Variants in GNA13 observed in about 807,000 individuals in gnomAD.
The protein encoded by GNA13 is G protein subunit alpha 13, also known as guanine nucleotide-binding protein subunit alpha-13.
GNA13 carries 4 observed loss-of-function variants against 33.5 expected under a neutral mutation model. That is an observed-to-expected ratio of 0.12 (90% CI 0.06 to 0.27). The LOEUF (loss-of-function observed/expected upper bound fraction) is 0.27. Ranked by LOEUF, GNA13 falls within the 10% of genes least tolerant of loss-of-function variation. The pLI, the probability that GNA13 is intolerant of heterozygous loss-of-function variation, is 1.00. For synonymous variants in GNA13, 176 were observed against 183.8 expected (o/e 0.96, Z 0.34); for missense variants, 319 against 487.2 (o/e 0.65, Z 3.25).
Position 65,018,148 on chromosome 17 carries a change from G to T in GNA13, c.561+105C>A, listed in dbSNP as rs1336513441. On this transcript the variant is annotated intron_variant, in intron 3 of 3. Transcript: ENST00000439174. ...AAAAAAAAAAAAAAAAAGAGAGAAAGAAGCAAATAGCTTAATACATAATTT... is the reference window on the plus strand; with the variant it reads ...AAAAAAAAAAAAAAAAAGAGAGAAATAAGCAAATAGCTTAATACATAATTT... 2.3e-4 allele frequency: 35 copies of T among 149,818 alleles called. 1 individual carries two copies. The highest frequency in any genetic ancestry group is 4.0e-4 in the East Asian group (2 of 4,962). 9.3% of individuals were successfully genotyped at this position (149,818 alleles called of 1,614,324 possible).
intron 2 of GNA13, among the ~76,000 whole-genome samples, chr17:65,035,939 C>T (rs1226033873): frequency 1.3e-5 from 2 of 152,186 alleles, no homozygotes; most frequent in South Asian, 2.1e-4. Flanking sequence ...CATAATACCC[C>T]GAAGTCCTCG....
intron 2 of GNA13, among the ~76,000 whole-genome samples, chr17:65,049,162 T>C (rs1907773400): frequency 6.6e-6 from 1 of 152,158 alleles, no homozygotes; most frequent in Non-Finnish European, 1.5e-5. Context: ...CAAGCTGGAG[T>C]GCAGTGGCAT....
At chr17:65,019,340 T>C (rs1229002126) in intron 2 of GNA13, among the ~76,000 whole-genome samples, 2 of 151,894 alleles carry the variant, frequency 1.3e-5, no homozygotes, top group African/African-American at 4.8e-5. Context: ...AGGAAATGAG[T>C]ATATGGAGGA....
At chr17:65,026,146 C>T (rs1262840590) in intron 2 of GNA13, among the ~76,000 whole-genome samples, 2 of 151,314 alleles carry the variant, frequency 1.3e-5, no homozygotes, top group African/African-American at 2.4e-5. Context: ...AAAAACTATA[C>T]AATTTTCTAT....
chr17:65,023,573 C>T (rs369071840), intron 2 of GNA13, among the ~76,000 whole-genome samples: 4 of 152,324 alleles, frequency 2.6e-5, no homozygotes, highest in East Asian at 1.9e-4. Context: ...CAAGGCAAAA[C>T]GGCACTGTTG....
At position 65,031,819 on chromosome 17, in the gene GNA13, T is replaced by C. The variant is rs552487718; in HGVS notation, c.511-13516A>G. Among the ~76,000 whole-genome samples, 9 of 135,370 alleles carry C rather than the reference T, an allele frequency of 6.6e-5. No homozygotes were observed. The South Asian group carries it at 1.9e-3, about 28-fold the overall frequency. The allele number at this position is 135,370 out of a possible 152,430, so 88.8% of individuals were successfully genotyped here. The stretch of plus-strand genomic sequence containing the variant: ...AGCTACTCAGGAGGCTGAGGTGAGG[T>C]AGGGGGTACTATTGAGCCCAGGAGT... On this transcript the variant is annotated intron_variant, in intron 2 of 3. Transcript: ENST00000439174.
At chr17:65,042,374 A>AG (rs1223426738) in intron 2 of GNA13, among the ~76,000 whole-genome samples, 5 of 148,932 alleles carry the variant, frequency 3.4e-5, no homozygotes, top group African/African-American at 1.3e-4. Flanking sequence ...AAAAAAAAAA[A>AG]GAAGAACCAC....
At chr17:65,047,546 T>C (rs901510406) in intron 2 of GNA13, among the ~76,000 whole-genome samples, 6 of 152,190 alleles carry the variant, frequency 3.9e-5, no homozygotes, top group Admixed American at 2.0e-4. Flanking sequence ...ACTATACTTA[T>C]AGAGAAAATG....
At chr17:65,053,234 G>A (rs1448290056) in intron 2 of GNA13, 4 of 408,478 alleles carry the variant, frequency 9.8e-6, no homozygotes, top group African/African-American at 6.1e-5. Flanking sequence ...TGCTGGGAAT[G>A]GGACTCAAGT....
rs570891095 is a variant in GNA13 at position 65,014,110 on chromosome 17, C to T, written c.*147G>A. 2.3e-5 allele frequency: 14 copies of T among 602,208 alleles called. No individual in the cohort carries two copies. Among genetic ancestry groups the T allele is most frequent in the African/African-American group, 2.0e-4 (11 of 54,010 alleles). The allele number at this position is 602,208 out of a possible 1,614,324, so 37.3% of individuals were successfully genotyped here. ...CAGCTTTCAGCCACAAACCAAAGGCCGCAGAAAAAGTACTAAGATTTTCAA... is the reference window on the plus strand; with the variant it reads ...CAGCTTTCAGCCACAAACCAAAGGCTGCAGAAAAAGTACTAAGATTTTCAA... On this transcript the variant is annotated 3_prime_UTR_variant, in exon 4 of 4. Coordinates refer to ENST00000439174, the MANE Select transcript of GNA13 (RefSeq NM_006572.6). The surrounding 1 kb of genome is among the most constrained non-coding windows in gnomAD (Gnocchi z 5.3).
At chr17:65,018,826 C>T (rs1906476765) in intron 2 of GNA13, among the ~76,000 whole-genome samples, 1 of 152,208 alleles carries the variant, frequency 6.6e-6, no homozygotes, top group Admixed American at 6.5e-5. Flanking sequence ...GTGCTGCCAG[C>T]TTCACATCTC....
chr17:65,044,101 C>T (rs1907566248), intron 2 of GNA13, among the ~76,000 whole-genome samples: 2 of 151,994 alleles, frequency 1.3e-5, no homozygotes, highest in African/African-American at 2.4e-5. Flanking sequence ...ACATTGGCCT[C>T]GGGAACAGAG....
At chr17:65,024,337 T>C (rs1906695038) in intron 2 of GNA13, among the ~76,000 whole-genome samples, 1 of 152,184 alleles carries the variant, frequency 6.6e-6, no homozygotes, top group South Asian at 2.1e-4. Flanking sequence ...TCATTACAGA[T>C]CAGAATGGAG....
chr17:65,049,887 A>C (rs1229665513), intron 2 of GNA13, among the ~76,000 whole-genome samples: 2 of 152,214 alleles, frequency 1.3e-5, no homozygotes, highest in Non-Finnish European at 1.5e-5. Flanking sequence ...GATTATCACT[A>C]CATTAAGTGA....
intron 2 of GNA13, among the ~76,000 whole-genome samples, chr17:65,048,599 C>G (rs968388814): frequency 2.0e-5 from 3 of 152,010 alleles, no homozygotes; most frequent in African/African-American, 7.3e-5. Context: ...TTTAGCTGAC[C>G]CATGATGGAA....
At chr17:65,018,113 A>AGAGAGAGAGAG (rs1567817125) in intron 3 of GNA13, 140 bp downstream of exon 3, 3 of 150,610 alleles carry the variant, frequency 2.0e-5, no homozygotes, top group African/African-American at 4.5e-5. Flanking sequence ...AAAAAAAAAA[A>AGAGAGAGAGAG]AAAAAAAAAA....
rs138041889 is a variant in GNA13 at position 65,019,010 on chromosome 17, G to A, written c.511-707C>T. Among the ~76,000 whole-genome samples the A allele has an allele frequency of 1.1e-4, 17 of 152,288 alleles. No homozygotes were observed. In the East Asian group the frequency reaches 1.5e-3, roughly 14 times the overall value. ...TTTGGGAAAGAAGGGGTCTGTGTCC[G>A]AGTCTCCTAGTCCTCACCCCCTGCG... On this transcript the variant is annotated intron_variant, in intron 2 of 3. Coordinates refer to ENST00000439174, the MANE Select transcript of GNA13 (RefSeq NM_006572.6).
At chr17:65,030,171 A>G (rs1222169184) in intron 2 of GNA13, among the ~76,000 whole-genome samples, 1 of 152,240 alleles carries the variant, frequency 6.6e-6, no homozygotes, top group Admixed American at 6.5e-5. Flanking sequence ...AGAATAATAT[A>G]AAGATAGAAT....
intron 2 of GNA13, among the ~76,000 whole-genome samples, chr17:65,041,762 T>C (rs1383691247): frequency 1.3e-5 from 2 of 152,284 alleles, no homozygotes; most frequent in East Asian, 3.9e-4. Flanking sequence ...AGCCAGAGGT[T>C]ATCTCCCCAT....
Sources: allele counts gnomAD v4.1 joint callset (sites outside exome capture counted in the v4.1 genomes callset), GRCh38; gene constraint gnomAD v4.1.1; non-coding constraint Gnocchi (gnomAD v3.1); transcripts MANE v1.5; gene names NCBI Gene and HGNC (gene_info 2026-07-23, HGNC 2026-07-21).